TFAP2B: variants seen among roughly 807,000 people sequenced by gnomAD.
TFAP2B encodes the protein transcription factor AP-2 beta.
In TFAP2B, 9 loss-of-function variants were observed where a neutral mutation model predicts 44.3. The ratio of observed to expected loss-of-function variants is 0.20; its 90% CI spans 0.12 to 0.35. The LOEUF (loss-of-function observed/expected upper bound fraction) is 0.35. TFAP2B is among the 10% of genes least tolerant of loss of function. The probability of loss-of-function intolerance (pLI) is 1.00; values close to 1 mark genes in which losing one functional copy is unlikely to be tolerated. For synonymous variants in TFAP2B, 270 were observed against 263.8 expected, an observed-to-expected ratio of 1.02 and a Z score of -0.23; for missense variants, 509 against 600.0, an observed-to-expected ratio of 0.85 and a Z score of 1.59.
chr6:50,820,349 C>T (rs1233618928), intron 1 of TFAP2B, among the ~76,000 whole-genome samples: 3 of 152,138 alleles, frequency 2.0e-5, no homozygotes, highest in Admixed American at 6.5e-5. Flanking sequence ...GACTCGGGCT[C>T]GGACGAGCGC....
chr6:50,842,962 G>T, intron 6 of TFAP2B, 130 bp from the exon 7 acceptor site: 1 of 1,263,766 alleles, frequency 7.9e-7, no homozygotes, highest in Non-Finnish European at 1.2e-6. Flanking sequence ...AGGAAACAGA[G>T]CGGAATCGCC....
chr6:50,823,091 C>T (rs982554089), intron 1 of TFAP2B, among the ~76,000 whole-genome samples: 4 of 152,122 alleles, frequency 2.6e-5, no homozygotes, highest in African/African-American at 9.7e-5. Context: ...TTCCTGTACC[C>T]CTGCCTTTTG....
intron 1 of TFAP2B, chr6:50,822,150 A>C (rs892997622): frequency 7.7e-7 from 1 of 1,303,372 alleles, no homozygotes; most frequent in Non-Finnish European, 1.0e-6. Context: ...GTCCACACCT[A>C]TTCATCCATG....
chr6:50,841,561 A>G (rs1361611145), intron 6 of TFAP2B, among the ~76,000 whole-genome samples: 1 of 152,170 alleles, frequency 6.6e-6, no homozygotes, highest in African/African-American at 2.4e-5. Context: ...TATGCATCTA[A>G]CTACCCACTG....
rs779486130 is a variant in TFAP2B, at chr6:50,843,275, C to A, written c.1266C>A (p.Thr422=). 6.2e-7 allele frequency: 1 copy of A among 1,614,034 alleles called. No homozygotes were observed. Among genetic ancestry groups the A allele is most frequent in the African/African-American group, 1.3e-5 (1 of 74,902 alleles). The stretch of plus-strand genomic sequence containing the variant: ...TCACGGCCCTGCAGAACTATCTCAC[C>A]GAGGCGCTCAAAGGCATGGACAAGA... The part of the protein sequence containing the change: ...AALTALQNYL[T]EALKGMDKMF... The change falls in exon 7 of 7, where the codon ACC becomes ACA. Residue 422 remains threonine (T), a synonymous_variant. Transcript: ENST00000393655.
chr6:50,823,337 C>G (rs1027025302), intron 1 of TFAP2B, 70 bp from the exon 2 acceptor site: 3 of 1,340,158 alleles, frequency 2.2e-6, no homozygotes, highest in Non-Finnish European at 3.1e-6. Context: ...CTCTCTGTCT[C>G]TCTCTGCCTC....
intron 5 of TFAP2B, 33 bp from the exon 6 acceptor site, chr6:50,840,123 G>T: frequency 6.2e-7 from 1 of 1,613,304 alleles, no homozygotes. Flanking sequence ...GGGCCTGGGT[G>T]CTGATTATTA....
At chr6:50,823,932 G>A in intron 2 of TFAP2B, 67 bp downstream of exon 2, 1 of 1,468,584 alleles carries the variant, frequency 6.8e-7, no homozygotes, top group South Asian at 1.2e-5. Context: ...TGGAGGGGGG[G>A]AGGTCAGGAG....
At chr6:50,842,122 A>C (rs1762745416) in intron 6 of TFAP2B, among the ~76,000 whole-genome samples, 1 of 152,232 alleles carries the variant, frequency 6.6e-6, no homozygotes, top group South Asian at 2.1e-4. Context: ...CCACAGACCC[A>C]TAGGCTGGGT....
At position 50,843,409 on chromosome 6, in the gene TFAP2B, GA is replaced by G; in HGVS notation, c.*19del. 6.2e-7 allele frequency: 1 copy of G among 1,605,190 alleles called. No homozygotes were observed. The highest frequency in any genetic ancestry group is 2.2e-5 in the East Asian group (1 of 44,592). On this transcript the variant is annotated 3_prime_UTR_variant, in exon 7 of 7. Transcript: ENST00000393655. ...AGGAAATGAAAAATTTTTAAAAAAA[GA>G]AGGAAAAATGTTTTAAATACAAAAG... is the stretch of plus-strand genomic sequence containing the variant.
intron 2 of TFAP2B, among the ~76,000 whole-genome samples, chr6:50,827,877 A>T (rs1327447561): frequency 1.3e-5 from 2 of 152,208 alleles, no homozygotes; most frequent in Admixed American, 1.3e-4. Context: ...GGCACAGAAG[A>T]TGAACATTCC....
chr6:50,818,599 A>G (rs565905163), upstream of TFAP2B: 32 of 375,346 alleles, frequency 8.5e-5, no homozygotes, highest in Admixed American at 3.9e-5. Context: ...TGGAGTCTGC[A>G]GACTGTGTGA....
At chr6:50,824,980 A>G (rs917095655) in intron 2 of TFAP2B, among the ~76,000 whole-genome samples, 4 of 152,242 alleles carry the variant, frequency 2.6e-5, no homozygotes, top group African/African-American at 9.6e-5. Flanking sequence ...TCTGAAGCAA[A>G]GGAAAATAAA....
chr6:50,828,337 G>A (rs1275948716), intron 2 of TFAP2B, among the ~76,000 whole-genome samples: 1 of 152,064 alleles, frequency 6.6e-6, no homozygotes, highest in Non-Finnish European at 1.5e-5. Context: ...ATAATATAAA[G>A]GTTTATCTGT....
In TFAP2B at chr6:50,838,017, A is replaced by T. The variant is rs749594082; in HGVS notation, c.864A>T (p.Leu288=). 15 of 1,614,228 alleles carry T rather than the reference A, an allele frequency of 9.3e-6. No individual in the cohort carries two copies. Among genetic ancestry groups the T allele is most frequent in the Non-Finnish European group, 1.3e-5 (15 of 1,180,034 alleles). Residue 288 remains leucine, a synonymous_variant, in exon 5 of 7, where the codon CTA becomes CTT. Transcript: ENST00000393655. ...KNGGRSLRER[L]EKIGLNLPAG... Reference sequence around the variant, plus strand: ...GGGGGAGATCTTTGCGAGAAAGGCTAGAAAAAATCGGTTTGAATTTACCCG... The same window carrying T: ...GGGGGAGATCTTTGCGAGAAAGGCTTGAAAAAATCGGTTTGAATTTACCCG...
At chr6:50,841,290 C>T (rs774896646) in intron 6 of TFAP2B, among the ~76,000 whole-genome samples, 1 of 152,126 alleles carries the variant, frequency 6.6e-6, no homozygotes, top group Non-Finnish European at 1.5e-5. Context: ...AAAGACTTTA[C>T]CCATCTCTCC....
chr6:50,826,458 A>C (rs2113934471), intron 2 of TFAP2B, among the ~76,000 whole-genome samples: 1 of 152,292 alleles, frequency 6.6e-6, no homozygotes, highest in South Asian at 2.1e-4. Flanking sequence ...TTTTTAAATG[A>C]AACTATAAAA....
At chr6:50,837,864 A>G in intron 4 of TFAP2B, 111 bp from the exon 5 acceptor site, 1 of 887,664 alleles carries the variant, frequency 1.1e-6, no homozygotes, top group South Asian at 1.3e-5. Flanking sequence ...AAAATGTGCT[A>G]ACCTCAAGTT....
rs1365946874 is a variant in TFAP2B, at chr6:50,845,348, G to A, written c.*1956G>A. The A allele has an allele frequency of 6.6e-6, 1 of 152,100 alleles. No individual in the cohort carries two copies. The highest frequency in any genetic ancestry group is 6.5e-5 in the Admixed American group (1 of 15,276). 9.4% of individuals were successfully genotyped at this position (152,100 alleles called of 1,614,324 possible). A position where few individuals can be genotyped will look rare whatever the true frequency, so the allele number is the denominator to read the frequency against. On this transcript the variant is annotated 3_prime_UTR_variant, in exon 7 of 7. Coordinates refer to ENST00000393655, the MANE Select transcript of TFAP2B (RefSeq NM_003221.4). The stretch of plus-strand genomic sequence containing the variant: ...ATTGGGGGAGTGGGGATTGCGTTGG[G>A]GTTTTAGGAATCTGCTGAGAGCTTT...
Sources: gnomAD v4.1 joint callset for allele counts (sites outside exome capture counted in the v4.1 genomes callset) on GRCh38, gnomAD v4.1.1 for gene constraint, MANE v1.5 for transcripts, NCBI Gene and HGNC (gene_info 2026-07-23, HGNC 2026-07-21) for gene names.